The following TRIQK variants were observed in gnomAD, a reference collection of about 807,000 sequenced individuals.
TRIQK encodes triple QxxK/R motif containing, also known as triple QxxK/R motif-containing protein.
TRIQK carries 10 observed loss-of-function variants against 10.8 expected under a neutral mutation model. That is an observed-to-expected ratio of 0.92 (90% confidence interval 0.57 to 1.57). The LOEUF (loss-of-function observed/expected upper bound fraction) is 1.57. Ranked by LOEUF, TRIQK falls within the 40% of genes most tolerant of loss-of-function variation. TRIQK has a pLI of 0.00. For synonymous variants in TRIQK, 33 were observed against 33.7 expected (o/e 0.98, Z 0.07); for missense variants, 107 against 97.7 (o/e 1.09, Z -0.40).
intron 2 of TRIQK, among the ~76,000 whole-genome samples, chr8:92,946,551 C>T (rs921330881): frequency 6.6e-6 from 1 of 152,048 alleles, no homozygotes; most frequent in Non-Finnish European, 1.5e-5. Flanking sequence ...TTTAAAATTG[C>T]CCTATTTAGC....
At chr8:92,949,477 G>A in intron 2 of TRIQK, among the ~76,000 whole-genome samples, 1 of 151,188 alleles carries the variant, frequency 6.6e-6, no homozygotes, top group East Asian at 2.0e-4. Context: ...ACATCATGCT[G>A]ATGTAACCAA....
chr8:92,996,029 C>T (rs896580991), intron 1 of TRIQK, among the ~76,000 whole-genome samples: 2 of 152,052 alleles, frequency 1.3e-5, no homozygotes, highest in East Asian at 3.9e-4. Context: ...GGAGGCCACT[C>T]TGATCTTCAT....
intron 1 of TRIQK, among the ~76,000 whole-genome samples, chr8:92,996,300 G>A (rs1813153373): frequency 6.6e-6 from 1 of 151,864 alleles, no homozygotes; most frequent in Non-Finnish European, 1.5e-5. Context: ...TCTCTCAATT[G>A]TACTTTTATT....
chr8:92,895,424 G>T (rs1409019209), intron 3 of TRIQK, among the ~76,000 whole-genome samples: 1 of 152,196 alleles, frequency 6.6e-6, no homozygotes, highest in Non-Finnish European at 1.5e-5. Flanking sequence ...GGAGGGGCTG[G>T]ATGAATTTGA....
At chr8:92,915,250 C>A (rs187134867) in intron 3 of TRIQK, among the ~76,000 whole-genome samples, 7 of 152,076 alleles carry the variant, frequency 4.6e-5, no homozygotes, top group African/African-American at 1.7e-4. Flanking sequence ...TATAAAGTTG[C>A]AATTATGTAG....
chr8:92,924,845 C>T (rs920556580), intron 2 of TRIQK, among the ~76,000 whole-genome samples: 8 of 151,886 alleles, frequency 5.3e-5, no homozygotes, highest in Admixed American at 2.0e-4. Flanking sequence ...GGAACAAATT[C>T]GTACTGTATA....
chr8:92,911,202 A>G (rs1209594007), intron 3 of TRIQK, among the ~76,000 whole-genome samples: 2 of 151,390 alleles, frequency 1.3e-5, no homozygotes, highest in Non-Finnish European at 3.0e-5. Context: ...TAAACATTTT[A>G]TGGAAGCCTC....
At chr8:92,996,151 T>C in intron 1 of TRIQK, among the ~76,000 whole-genome samples, 1 of 152,208 alleles carries the variant, frequency 6.6e-6, no homozygotes, top group East Asian at 1.9e-4. Context: ...TGACTTTTGA[T>C]TGTACTTGGA....
chr8:92,889,252 T>C (rs1356986067), intron 4 of TRIQK, among the ~76,000 whole-genome samples: 1 of 151,638 alleles, frequency 6.6e-6, no homozygotes, highest in African/African-American at 2.4e-5. Flanking sequence ...ATTCTGCATA[T>C]CTCTAGCCCA....
chr8:92,916,792 T>C (rs536848002), intron 3 of TRIQK, 137 bp downstream of exon 3: 3 of 545,836 alleles, frequency 5.5e-6, no homozygotes, highest in African/African-American at 3.9e-5. Flanking sequence ...TTTGCTTCCA[T>C]AAAACTCTAT....
intron 2 of TRIQK, among the ~76,000 whole-genome samples, chr8:92,942,246 C>A (rs1811305462): frequency 6.6e-6 from 1 of 152,092 alleles, no homozygotes; most frequent in African/African-American, 2.4e-5. Flanking sequence ...TCAACGTATG[C>A]AAATCAATAA....
chr8:92,972,744 A>G (rs1504688), intron 1 of TRIQK: 11,524 of 152,278 alleles, frequency 0.076, 581 homozygotes, highest in Middle Eastern at 0.11. Flanking sequence ...AAAAGCCACA[A>G]CTTCCAGCTG....
Position 92,886,496 on chromosome 8 carries a change from T to C in TRIQK, c.*126A>G. ...CATCCTATGCAACTATCAAAAATCA[T>C]ATGTCTGCAAACTGAAAATATTAGC... On this transcript the variant is annotated 3_prime_UTR_variant, in exon 5 of 5. Coordinates refer to ENST00000521988, the MANE Select transcript of TRIQK (RefSeq NM_001171797.2). The C allele has an allele frequency of 1.6e-6, 1 of 607,724 alleles. No homozygotes were observed. 37.6% of individuals were successfully genotyped at this position (607,724 alleles called of 1,614,324 possible).
intron 1 of TRIQK, among the ~76,000 whole-genome samples, chr8:93,003,999 G>C (rs966041372): frequency 6.6e-5 from 10 of 152,196 alleles, no homozygotes; most frequent in Admixed American, 3.3e-4. Context: ...GGCTAGCATT[G>C]AGTGCCTGTG....
chr8:93,006,699 G>T (rs1265593737), intron 1 of TRIQK, among the ~76,000 whole-genome samples: 5 of 152,196 alleles, frequency 3.3e-5, no homozygotes, highest in Admixed American at 1.3e-4. Flanking sequence ...TTGGACCCAG[G>T]AGGAATTCCC....
chr8:92,893,320 T>C, intron 3 of TRIQK, among the ~76,000 whole-genome samples: 2 of 152,158 alleles, frequency 1.3e-5, no homozygotes, highest in Middle Eastern at 6.8e-3. Flanking sequence ...TTATGTCCAT[T>C]AGACACATAA....
chr8:93,001,488 T>A (rs1813210792), intron 1 of TRIQK, among the ~76,000 whole-genome samples: 1 of 152,064 alleles, frequency 6.6e-6, no homozygotes, highest in Admixed American at 6.5e-5. Context: ...AGTAGCTAAA[T>A]TTATACCAGA....
At chr8:92,990,166 C>A (rs1314791778) in intron 1 of TRIQK, among the ~76,000 whole-genome samples, 1 of 152,176 alleles carries the variant, frequency 6.6e-6, no homozygotes, top group Non-Finnish European at 1.5e-5. Flanking sequence ...ATATTATGCT[C>A]TTCACATTGG....
chr8:92,950,248 A>C (rs188408186), intron 2 of TRIQK, among the ~76,000 whole-genome samples: 1 of 152,244 alleles, frequency 6.6e-6, no homozygotes, highest in Admixed American at 6.5e-5. Flanking sequence ...TTTTAAGAAC[A>C]GAGTGCTGTG....
Sources: allele counts gnomAD v4.1 joint callset (sites outside exome capture counted in the v4.1 genomes callset), GRCh38; gene constraint gnomAD v4.1.1; transcripts MANE v1.5; gene names NCBI Gene and HGNC (gene_info 2026-07-23, HGNC 2026-07-21).